The following ACSL5 variants were observed in gnomAD, a reference collection of about 807,000 sequenced individuals.
ACSL5 encodes the protein long-chain-fatty-acid--CoA ligase 5.
Under a neutral mutation model 84.9 loss-of-function variants are expected in ACSL5, and 50 were observed. The observed-to-expected ratio is 0.59, with a 90% CI of 0.47 to 0.75. The LOEUF is 0.75. ACSL5 is among the 30% of genes least tolerant of loss of function. ACSL5 has a pLI of 0.00. For synonymous variants in ACSL5, 280 were observed against 300.7 expected (o/e 0.93, Z 0.71); for missense variants, 775 against 830.4 (o/e 0.93, Z 0.82).
intron 5 of ACSL5, among the ~76,000 whole-genome samples, chr10:112,407,991 C>T (rs111945213): frequency 7.2e-5 from 11 of 152,128 alleles, no homozygotes; most frequent in African/African-American, 2.7e-4. Context: ...TTACAACTGT[C>T]CCTATGGCCC....
chr10:112,400,762 C>T (rs1404467861), intron 3 of ACSL5, among the ~76,000 whole-genome samples: 1 of 151,950 alleles, frequency 6.6e-6, no homozygotes, highest in African/African-American at 2.4e-5. Flanking sequence ...CTATGTTGTC[C>T]AAGCTAGTCT....
chr10:112,425,168 G>A (rs891136700), intron 17 of ACSL5, 170 bp from the exon 18 acceptor site: 6 of 538,930 alleles, frequency 1.1e-5, no homozygotes, highest in Non-Finnish European at 1.3e-5. Context: ...CTTGCTGCAC[G>A]ATGCTTCCCT....
chr10:112,410,523 C>G (rs201080430), intron 8 of ACSL5, 28 bp downstream of exon 8: 58 of 1,613,940 alleles, frequency 3.6e-5, no homozygotes, highest in Admixed American at 5.0e-5. Context: ...TGAATTTGAG[C>G]CTTGCCATAG....
intron 1 of ACSL5, chr10:112,376,467 G>C: frequency 4.3e-6 from 7 of 1,613,932 alleles, no homozygotes; most frequent in Non-Finnish European, 5.9e-6. Context: ...ACCATCGAGG[G>C]GGTGTTATTC....
chr10:112,426,223 C>G, intron 18 of ACSL5, 35 bp from the exon 19 acceptor site: 1 of 1,561,792 alleles, frequency 6.4e-7, no homozygotes, highest in Non-Finnish European at 8.8e-7. Context: ...CATAACTTCT[C>G]TCATGCCCTT....
Position 112,425,340 on chromosome 10 carries a change from T to C in ACSL5, c.1596T>C (p.Asn532=), listed in dbSNP as rs1435467418. Reference sequence around the variant, plus strand: ...ATACTTTTATCTGTCTCATGTAGAATGGAACTCTGAAGATCATCGACCGTA... The same window carrying C: ...ATACTTTTATCTGTCTCATGTAGAACGGAACTCTGAAGATCATCGACCGTA... ...HTGDIGRWLP[N]GTLKIIDRKK... Residue 532 remains asparagine, a splice_region_variant and synonymous_variant, in exon 18 of 21, where the codon AAT becomes AAC. Transcript: ENST00000354655. The C allele has an allele frequency of 6.2e-7, 1 of 1,611,532 alleles. No homozygotes were observed. The highest frequency in any genetic ancestry group is 1.1e-5 in the South Asian group (1 of 90,690).
At position 112,390,638 on chromosome 10, in the gene ACSL5, C is replaced by G. The variant is rs1432210288; in HGVS notation, c.-29-4280C>G. ...AAGTAGAAACAACCCAGATATTCAT[C>G]AACTGGTAGATAGATAAATAGATAG... is the stretch of plus-strand genomic sequence containing the variant. On this transcript the variant is annotated intron_variant, in intron 1 of 20. Transcript: ENST00000354655. Among the ~76,000 whole-genome samples the G allele has an allele frequency of 2.0e-5, 3 of 146,738 alleles. 1 individual carries two copies. Among genetic ancestry groups the G allele is most frequent in the Non-Finnish European group, 4.5e-5 (3 of 67,060 alleles).
chr10:112,394,980 C>A lies in ACSL5; in HGVS notation c.34C>A (p.Leu12Ile). Residue 12 changes from leucine to isoleucine, a missense_variant, in exon 2 of 21, where the codon CTT (leucine) becomes ATT (isoleucine). Coordinates refer to ENST00000354655, the MANE Select transcript of ACSL5 (RefSeq NM_203379.2). The stretch of plus-strand genomic sequence containing the variant: ...TATCTTTAACTTTTTGTTTTCCCCA[C>A]TTCCGACCCCGGCGTTGATCTGCAT... ...LFIFNFLFSP[L>I]PTPALICILT... is the part of the protein sequence containing the mutation. 6.2e-7 allele frequency: 1 copy of A among 1,613,924 alleles called. No homozygotes were observed. The highest frequency in any genetic ancestry group is 8.5e-7 in the Non-Finnish European group (1 of 1,180,020).
chr10:112,418,187 T>C (rs1012800860), intron 14 of ACSL5, among the ~76,000 whole-genome samples: 3 of 152,208 alleles, frequency 2.0e-5, no homozygotes, highest in Non-Finnish European at 2.9e-5. Flanking sequence ...CTCAGCATCA[T>C]TTTAATGATT....
Position 112,417,866 on chromosome 10 carries a change from T to A in ACSL5, c.1239T>A (p.Val413=), listed in dbSNP as rs1171946847. Residue 413 remains valine, a synonymous_variant, in exon 14 of 21, where the codon GTT becomes GTA. Transcript: ENST00000354655. The stretch of plus-strand genomic sequence containing the variant: ...AACAGGACAGCCTGGGCGGAAGGGT[T>A]CGTGTAATTGTCACTGGAGCTGCCC... The part of the protein sequence containing the change: ...AKIQDSLGGR[V]RVIVTGAAPM... 1.9e-6 allele frequency: 3 copies of A among 1,613,978 alleles called. No individual in the cohort carries two copies. The highest frequency in any genetic ancestry group is 2.5e-6 in the Non-Finnish European group (3 of 1,179,984).
chr10:112,426,601 T>C, intron 19 of ACSL5, 187 bp from the exon 20 acceptor site: 2 of 629,896 alleles, frequency 3.2e-6, no homozygotes, highest in South Asian at 4.1e-5. Context: ...GAGAAAACTG[T>C]TAACACTTAG....
At chr10:112,405,013 T>C (rs576336406) in intron 5 of ACSL5, among the ~76,000 whole-genome samples, 3 of 152,318 alleles carry the variant, frequency 2.0e-5, no homozygotes, top group African/African-American at 7.2e-5. Context: ...ACCTAGGTGT[T>C]TGGACTTCTC....
chr10:112,404,399 A>G, intron 3 of ACSL5, 112 bp from the exon 4 acceptor site: 1 of 767,176 alleles, frequency 1.3e-6, no homozygotes. Context: ...AGAAGCTCAA[A>G]TCCTTGTTGG....
At chr10:112,391,262 C>T (rs1843629884) in intron 1 of ACSL5, among the ~76,000 whole-genome samples, 1 of 151,776 alleles carries the variant, frequency 6.6e-6, no homozygotes, top group South Asian at 2.1e-4. Flanking sequence ...ACCTGCTACT[C>T]AGGAGGCTGA....
rs556113915 is a variant in ACSL5 at position 112,410,175 on chromosome 10, CA to C, written c.712-282del. The stretch of plus-strand genomic sequence containing the variant: ...GAAAATGTTAGCTATTCATTTCTTT[CA>C]AAAAAGATTTAGTTAGGGCCCTAGA... On this transcript the variant is annotated intron_variant, in intron 7 of 20. Coordinates refer to ENST00000354655, the MANE Select transcript of ACSL5 (RefSeq NM_203379.2). 8.5e-5 allele frequency: 121 copies of C among 1,417,508 alleles called. 1 individual carries two copies. The South Asian group carries it at 1.5e-3, about 17-fold the overall frequency. 87.8% of individuals were successfully genotyped at this position (1,417,508 alleles called of 1,614,324 possible). A position where few individuals can be genotyped will look rare whatever the true frequency, so the allele number is the denominator to read the frequency against.
At chr10:112,386,717 C>T (rs939962535) in intron 1 of ACSL5, among the ~76,000 whole-genome samples, 1 of 152,122 alleles carries the variant, frequency 6.6e-6, no homozygotes, top group Non-Finnish European at 1.5e-5. Flanking sequence ...TTGAATATTT[C>T]AGGTATGTCT....
chr10:112,380,479 A>T (rs1467969350), intron 1 of ACSL5, among the ~76,000 whole-genome samples: 1 of 148,720 alleles, frequency 6.7e-6, no homozygotes, highest in Non-Finnish European at 1.5e-5. Context: ...CAACCTTTTA[A>T]CTAAAGATGG....
At chr10:112,395,254 C>T in intron 2 of ACSL5, 152 bp downstream of exon 2, 2 of 754,444 alleles carry the variant, frequency 2.7e-6, no homozygotes, top group South Asian at 4.1e-5. Context: ...CAAATTTAAA[C>T]TTCTATTACT....
intron 12 of ACSL5, 119 bp downstream of exon 12, chr10:112,413,426 G>A (rs1032864692): frequency 3.7e-5 from 47 of 1,277,800 alleles, no homozygotes; most frequent in South Asian, 2.7e-4. Context: ...ACGTAAAGCC[G>A]TGTGTAAATA....
Sources: gnomAD v4.1 joint callset for allele counts (sites outside exome capture counted in the v4.1 genomes callset) on GRCh38, gnomAD v4.1.1 for gene constraint, MANE v1.5 for transcripts, NCBI Gene and HGNC (gene_info 2026-07-23, HGNC 2026-07-21) for gene names.